MAPRE2: variants seen among roughly 807,000 people sequenced by gnomAD.
MAPRE2 encodes microtubule associated protein RP/EB family member 2, also known as microtubule-associated protein RP/EB family member 2.
A neutral mutation model predicts 43.2 loss-of-function variants in MAPRE2; 13 were observed. The observed-to-expected ratio is 0.30, with a 90% CI of 0.20 to 0.48. MAPRE2 has a LOEUF of 0.48. MAPRE2 is among the 20% of genes least tolerant of loss of function. The pLI is 0.99. For synonymous variants in MAPRE2, 135 were observed against 148.8 expected, an observed-to-expected ratio of 0.91 and a Z score of 0.68; for missense variants, 161 against 400.2, an observed-to-expected ratio of 0.40 and a Z score of 5.10.
intron 1 of MAPRE2, among the ~76,000 whole-genome samples, chr18:34,999,919 G>A (rs1358549963): frequency 6.6e-6 from 1 of 151,994 alleles, no homozygotes; most frequent in African/African-American, 2.4e-5. Context: ...AGAAGGCCCT[G>A]AGCCCAACCC....
At chr18:35,046,321 A>G (rs979695683) in intron 1 of MAPRE2, among the ~76,000 whole-genome samples, 1 of 152,156 alleles carries the variant, frequency 6.6e-6, no homozygotes, top group Non-Finnish European at 1.5e-5. Flanking sequence ...CAGTGTTGGT[A>G]TTTTGCTTAG....
intron 1 of MAPRE2, among the ~76,000 whole-genome samples, chr18:35,002,601 A>G (rs1299004207): frequency 6.6e-6 from 1 of 152,128 alleles, no homozygotes; most frequent in Non-Finnish European, 1.5e-5. Context: ...TATTTTAGCC[A>G]TTCTGATAGG....
intron 2 of MAPRE2, among the ~76,000 whole-genome samples, chr18:35,028,135 T>C (rs1256111802): frequency 1.3e-5 from 2 of 152,208 alleles, no homozygotes; most frequent in East Asian, 3.8e-4. Flanking sequence ...GTCGGCATCA[T>C]TTCTACCAAA....
chr18:35,018,548 T>A (rs963867420), intron 2 of MAPRE2, among the ~76,000 whole-genome samples: 3 of 151,692 alleles, frequency 2.0e-5, no homozygotes, highest in Non-Finnish European at 4.4e-5. Flanking sequence ...CCTGATTCAA[T>A]CTTGGGAGAC....
intron 4 of MAPRE2, among the ~76,000 whole-genome samples, chr18:35,116,317 T>C (rs2144213852): frequency 6.6e-6 from 1 of 152,318 alleles, no homozygotes; most frequent in Non-Finnish European, 1.5e-5. Flanking sequence ...AGTGTGGATG[T>C]TGAGATATGA....
At chr18:35,093,857 G>C (rs1908276710) in intron 2 of MAPRE2, among the ~76,000 whole-genome samples, 1 of 152,186 alleles carries the variant, frequency 6.6e-6, no homozygotes, top group African/African-American at 2.4e-5. Context: ...CTGTTATACA[G>C]TATGGTGACT....
intron 2 of MAPRE2, among the ~76,000 whole-genome samples, chr18:35,022,254 A>G (rs1374693514): frequency 8.5e-5 from 13 of 152,226 alleles, no homozygotes. Flanking sequence ...GAATCCAATT[A>G]CAAGAAGTAT....
intron 1 of MAPRE2, among the ~76,000 whole-genome samples, chr18:35,056,181 G>C (rs1202719216): frequency 6.6e-6 from 1 of 151,846 alleles, no homozygotes; most frequent in Non-Finnish European, 1.5e-5. Flanking sequence ...CTTTAAGTTT[G>C]TTGTTACTTT....
In MAPRE2 at chr18:35,041,536, G is replaced by T. The variant is rs1468842121; in HGVS notation, c.-4G>T. On this transcript the variant is annotated 5_prime_UTR_variant, in exon 1 of 7. Coordinates refer to ENST00000300249, the MANE Select transcript of MAPRE2 (RefSeq NM_014268.4). ...GGTTTGTTCCCCTTCTCGGGAGTGC[G>T]CCAATGCCTGGGCCGACCCAAACCC... 2.6e-5 allele frequency: 42 copies of T among 1,614,066 alleles called. No homozygotes were observed. The East Asian group carries it at 9.4e-4, about 36-fold the overall frequency.
intron 4 of MAPRE2, among the ~76,000 whole-genome samples, chr18:35,113,850 C>A (rs1909289036): frequency 6.6e-6 from 1 of 152,130 alleles, no homozygotes; most frequent in South Asian, 2.1e-4. Context: ...CATGTTCATG[C>A]CACTACACTC....
chr18:34,985,532 T>G lies in MAPRE2; in HGVS notation c.-70+8453T>G, dbSNP rs1179664203. ...TAATATATATATTATATATTATAAA[T>G]ATAATATATAATATATATATTATAT... is the stretch of plus-strand genomic sequence containing the variant. On this transcript the variant is annotated intron_variant, in intron 1 of 7. Transcript: ENST00000413393. 1.2e-3 allele frequency among the ~76,000 whole-genome samples: 53 copies of G among 43,952 alleles called. 3 individuals carry two copies. Among genetic ancestry groups the G allele is most frequent in the African/African-American group, 4.8e-3 (51 of 10,552 alleles). The allele number at this position is 43,952 out of a possible 152,430, so 28.8% of individuals were successfully genotyped here.
intron 1 of MAPRE2, among the ~76,000 whole-genome samples, chr18:35,067,714 G>T (rs183979965): frequency 2.0e-5 from 3 of 152,106 alleles, no homozygotes; most frequent in Admixed American, 2.0e-4. Context: ...AGAAGAAACC[G>T]CTAGAAAAGC....
At chr18:34,985,296 T>TATATAATATA (rs2097019302) in intron 1 of MAPRE2, among the ~76,000 whole-genome samples, 6 of 14,746 alleles carry the variant, frequency 4.1e-4, no homozygotes, top group African/African-American at 6.2e-4. Flanking sequence ...TATATTATAT[T>TATATAATATA]ATATATTGTA....
intron 6 of MAPRE2, among the ~76,000 whole-genome samples, chr18:35,135,574 A>G (rs1455543354): frequency 6.6e-6 from 1 of 152,184 alleles, no homozygotes; most frequent in Non-Finnish European, 1.5e-5. Context: ...GCCTTCCCCT[A>G]TGTCTATGGT....
exon 1 of MAPRE2, chr18:34,977,067 A>T (rs865806389): frequency 6.2e-6 from 1 of 162,458 alleles, no homozygotes; most frequent in Admixed American, 6.5e-5. Context: ...AGGAGGCGAC[A>T]GCGCCGGAGC....
intron 1 of MAPRE2, among the ~76,000 whole-genome samples, chr18:35,060,856 GGT>G: frequency 6.6e-6 from 1 of 152,154 alleles, no homozygotes. Flanking sequence ...TGATTTTCAA[GGT>G]GACTTACGGA....
intron 2 of MAPRE2, among the ~76,000 whole-genome samples, chr18:35,008,660 C>T (rs920006125): frequency 1.3e-5 from 2 of 152,080 alleles, no homozygotes; most frequent in South Asian, 4.1e-4. Context: ...AAATGCTATG[C>T]TAAATTTTTA....
chr18:35,033,653 A>T (rs1247164891), intron 2 of MAPRE2, among the ~76,000 whole-genome samples: 7 of 149,872 alleles, frequency 4.7e-5, no homozygotes, highest in African/African-American at 1.7e-4. Context: ...CTGATAAGCA[A>T]CTTCAGCAAA....
intron 1 of MAPRE2, among the ~76,000 whole-genome samples, chr18:34,984,739 A>G (rs1455549794): frequency 1.4e-5 from 2 of 141,880 alleles, no homozygotes; most frequent in Non-Finnish European, 3.0e-5. Context: ...TTTTAATAAT[A>G]TATTATTTAA....
Sources: gnomAD v4.1 joint callset for allele counts (sites outside exome capture counted in the v4.1 genomes callset) on GRCh38, gnomAD v4.1.1 for gene constraint, MANE v1.5 for transcripts, NCBI Gene and HGNC (gene_info 2026-07-23, HGNC 2026-07-21) for gene names.